CDK14: variants seen among roughly 807,000 people sequenced by gnomAD.
CDK14 encodes the protein cyclin-dependent kinase 14.
CDK14 carries 34 observed loss-of-function variants against 60.7 expected under a neutral mutation model. That is an observed-to-expected ratio of 0.56 (90% confidence interval 0.43 to 0.75). The LOEUF (loss-of-function observed/expected upper bound fraction) is 0.75, where lower values mean the gene tolerates loss of function less well. Among genes scored for constraint, CDK14 ranks in the 30% least tolerant of loss-of-function variants. The pLI is 0.00. For synonymous variants in CDK14, 197 were observed against 203.7 expected (o/e 0.97, Z 0.28); for missense variants, 482 against 564.1 (o/e 0.85, Z 1.47).
In CDK14 at chr7:91,077,504, C is replaced by T. The variant is rs72656955; in HGVS notation, c.1106-1928C>T. Reference sequence around the variant, plus strand: ...AGGGGCCTGTTGGGGAGTCAGGGGGCGAGGGGAGGGAGAGCATCAGGACAA... The same window carrying T: ...AGGGGCCTGTTGGGGAGTCAGGGGGTGAGGGGAGGGAGAGCATCAGGACAA... On this transcript the variant is annotated intron_variant, in intron 11 of 14. Coordinates refer to ENST00000380050, the MANE Select transcript of CDK14 (RefSeq NM_001287135.2). Among the ~76,000 whole-genome samples the T allele has an allele frequency of 5.4e-3, 814 of 150,302 alleles. 1 individual carries two copies. Among genetic ancestry groups the T allele is most frequent in the Middle Eastern group, 0.017 (5 of 290 alleles).
intron 14 of CDK14, among the ~76,000 whole-genome samples, chr7:91,155,631 A>G (rs886657391): frequency 6.6e-5 from 10 of 152,216 alleles, no homozygotes; most frequent in African/African-American, 2.4e-4. Flanking sequence ...CATTTGGTTC[A>G]TGTAACCATT....
In CDK14 at chr7:91,106,144, G is replaced by A. The variant is rs570650582; in HGVS notation, c.1155-6398G>A. On this transcript the variant is annotated intron_variant, in intron 12 of 14. Coordinates refer to ENST00000380050, the MANE Select transcript of CDK14 (RefSeq NM_001287135.2). ...TTTTTCTTGAATTGTTGAAGAACAT[G>A]AAACCTCAAATTCAGGAAACACAGT... Among the ~76,000 whole-genome samples, 4 of 152,244 alleles carry A rather than the reference G, an allele frequency of 2.6e-5. No individual in the cohort carries two copies. The East Asian group carries it at 7.7e-4, about 29-fold the overall frequency.
At chr7:91,120,883 A>G (rs1029763341) in intron 14 of CDK14, among the ~76,000 whole-genome samples, 1 of 152,106 alleles carries the variant, frequency 6.6e-6, no homozygotes, top group Non-Finnish European at 1.5e-5. Context: ...TTCCCATCCA[A>G]ATGCCTCAGC....
chr7:91,083,287 A>T (rs1798533013), intron 12 of CDK14, among the ~76,000 whole-genome samples: 1 of 152,184 alleles, frequency 6.6e-6, no homozygotes, highest in East Asian at 1.9e-4. Context: ...GCAGACACTA[A>T]AGCAGACCTT....
At chr7:91,067,426 A>G (rs540761208) in intron 11 of CDK14, among the ~76,000 whole-genome samples, 4 of 152,220 alleles carry the variant, frequency 2.6e-5, no homozygotes, top group African/African-American at 9.6e-5. Flanking sequence ...CCGGTGTTTG[A>G]GTTTGTCCTG....
Position 90,822,497 on chromosome 7 carries a change from C to A in CDK14, c.544+31845C>A, listed in dbSNP as rs541609935. Among the ~76,000 whole-genome samples the A allele has an allele frequency of 1.1e-3, 161 of 152,220 alleles. 1 individual carries two copies. Among genetic ancestry groups the A allele is most frequent in the Middle Eastern group, 3.4e-3 (1 of 294 alleles). ...GACTTGGAGTCTCTTCTCTGTGATT[C>A]CAGCCCACCTTTTGGAGTTCACTTC... On this transcript the variant is annotated intron_variant, in intron 5 of 14. Transcript: ENST00000380050.
intron 6 of CDK14, among the ~76,000 whole-genome samples, chr7:90,872,149 C>A (rs1334957357): frequency 1.3e-5 from 2 of 152,136 alleles, no homozygotes; most frequent in African/African-American, 4.8e-5. Flanking sequence ...ACGAGGTAAA[C>A]CTCCATAAGC....
At chr7:91,096,187 G>T (rs141412014) in intron 12 of CDK14, among the ~76,000 whole-genome samples, 2 of 151,826 alleles carry the variant, frequency 1.3e-5, no homozygotes, top group Non-Finnish European at 2.9e-5. Flanking sequence ...TTCATCCCAG[G>T]ATTGGTCTTG....
chr7:90,779,989 A>C (rs1396717102), intron 4 of CDK14, among the ~76,000 whole-genome samples: 1 of 152,204 alleles, frequency 6.6e-6, no homozygotes, highest in African/African-American at 2.4e-5. Context: ...TTGTTGAAGA[A>C]ACAGATTAAT....
At chr7:91,142,684 A>G (rs564963634) in intron 14 of CDK14, among the ~76,000 whole-genome samples, 1 of 152,244 alleles carries the variant, frequency 6.6e-6, no homozygotes, top group African/African-American at 2.4e-5. Context: ...AGGGAATCAT[A>G]AAGCTTCATC....
intron 11 of CDK14, among the ~76,000 whole-genome samples, chr7:91,060,149 A>G (rs1052490754): frequency 1.3e-5 from 2 of 151,672 alleles, no homozygotes; most frequent in East Asian, 3.9e-4. Context: ...TCCCTTTACC[A>G]TTATGTAATG....
At chr7:90,987,319 C>A (rs548836721) in intron 10 of CDK14, among the ~76,000 whole-genome samples, 1 of 152,008 alleles carries the variant, frequency 6.6e-6, no homozygotes, top group East Asian at 1.9e-4. Context: ...ACTAAACTAC[C>A]ATTGCTCTTG....
At chr7:90,873,223 A>G (rs986140130) in intron 6 of CDK14, among the ~76,000 whole-genome samples, 4 of 152,144 alleles carry the variant, frequency 2.6e-5, no homozygotes, top group African/African-American at 9.7e-5. Flanking sequence ...CTAAGGTACA[A>G]AAGTTGCCAC....
intron 4 of CDK14, among the ~76,000 whole-genome samples, chr7:90,773,295 C>T (rs1187567153): frequency 6.6e-6 from 1 of 152,028 alleles, no homozygotes; most frequent in Non-Finnish European, 1.5e-5. Flanking sequence ...GAAGTCTGAC[C>T]ACCTAGATCC....
At chr7:91,105,636 A>G (rs1442951771) in intron 12 of CDK14, among the ~76,000 whole-genome samples, 1 of 152,150 alleles carries the variant, frequency 6.6e-6, no homozygotes, top group African/African-American at 2.4e-5. Context: ...ATAGATTAAC[A>G]TTAGACAACC....
At chr7:90,946,297 T>C (rs1448804652) in intron 8 of CDK14, among the ~76,000 whole-genome samples, 1 of 152,146 alleles carries the variant, frequency 6.6e-6, no homozygotes, top group Non-Finnish European at 1.5e-5. Context: ...GTGACATTTA[T>C]TTACTACATT....
chr7:90,978,461 C>T (rs986086845), intron 9 of CDK14, among the ~76,000 whole-genome samples: 1 of 151,764 alleles, frequency 6.6e-6, no homozygotes, highest in Admixed American at 6.6e-5. Context: ...TTTTGGAAAC[C>T]CCTTATGTTT....
intron 2 of CDK14, among the ~76,000 whole-genome samples, chr7:90,725,960 T>C (rs1802618492): frequency 6.6e-6 from 1 of 152,288 alleles, no homozygotes; most frequent in South Asian, 2.1e-4. Context: ...TATTTCTTTT[T>C]ATCCATTAGC....
At chr7:90,649,248 C>CTTTCTTTCTTTCTTTG (rs1563029615) in intron 2 of CDK14, among the ~76,000 whole-genome samples, 3 of 25,182 alleles carry the variant, frequency 1.2e-4, no homozygotes, top group South Asian at 2.8e-3. Flanking sequence ...TTCTTTCTTT[C>CTTTCTTTCTTTCTTTG]TTTCTTTCTT....
Sources: allele counts gnomAD v4.1 joint callset (sites outside exome capture counted in the v4.1 genomes callset), GRCh38; gene constraint gnomAD v4.1.1; transcripts MANE v1.5; gene names NCBI Gene and HGNC (gene_info 2026-07-23, HGNC 2026-07-21).